DLG2: variants seen among roughly 807,000 people sequenced by gnomAD.
DLG2 encodes the protein discs large MAGUK scaffold protein 2, also known as disks large homolog 2.
A neutral mutation model predicts 132.5 loss-of-function variants in DLG2; 45 were observed. The observed-to-expected ratio is 0.34, with a 90% CI of 0.27 to 0.44. The LOEUF is 0.44. DLG2 is among the 20% of genes least tolerant of loss of function. DLG2 has a pLI of 1.00. For synonymous variants in DLG2, 424 were observed against 419.6 expected (o/e 1.01, Z -0.13); for missense variants, 1,045 against 1,196.9 (o/e 0.87, Z 1.87).
chr11:84,849,028 C>T (rs2154020404), intron 6 of DLG2, among the ~76,000 whole-genome samples: 1 of 152,262 alleles, frequency 6.6e-6, no homozygotes, highest in African/African-American at 2.4e-5. Flanking sequence ...CTGAAGTCAC[C>T]ATTTAAGATG....
rs557983776 is a variant in DLG2 at position 85,013,034 on chromosome 11, T to A, written c.357+98627A>T. Among the ~76,000 whole-genome samples, 15 of 152,264 alleles carry A rather than the reference T, an allele frequency of 9.9e-5. No individual in the cohort carries two copies. In the East Asian group the frequency reaches 2.3e-3, roughly 24 times the overall value. On this transcript the variant is annotated intron_variant, in intron 6 of 27. Coordinates refer to ENST00000376104, the MANE Select transcript of DLG2 (RefSeq NM_001142699.3). ...TCTTCTCATTTTCAGTGTGGAAAAA[T>A]TTAATGTCATGTACCTGCCTTCAGA...
At chr11:84,034,181 C>T (rs1446121182) in intron 11 of DLG2, among the ~76,000 whole-genome samples, 2 of 152,120 alleles carry the variant, frequency 1.3e-5, no homozygotes, top group East Asian at 3.9e-4. Flanking sequence ...CAGCCACCAC[C>T]CTGATCAGTC....
intron 4 of DLG2, among the ~76,000 whole-genome samples, chr11:85,197,256 C>T (rs1324988103): frequency 1.3e-5 from 2 of 152,126 alleles, no homozygotes; most frequent in Non-Finnish European, 2.9e-5. Context: ...AGTCAACTCA[C>T]GTTTTAGAAC....
intron 6 of DLG2, among the ~76,000 whole-genome samples, chr11:85,084,215 G>A (rs768959938): frequency 2.8e-4 from 42 of 152,236 alleles, no homozygotes; most frequent in Admixed American, 5.9e-4. Context: ...TGAAAGAGAA[G>A]AGAAAGTAGA....
chr11:84,911,712 TTAACA>T (rs1348005831), intron 6 of DLG2, among the ~76,000 whole-genome samples: 5 of 152,344 alleles, frequency 3.3e-5, no homozygotes, highest in Admixed American at 1.3e-4. Context: ...TACAAATATC[TTAACA>T]TAAAAATATT....
intron 3 of DLG2, among the ~76,000 whole-genome samples, chr11:85,503,935 AAGGAGGAGG>A (rs377380905): frequency 2.6e-5 from 4 of 151,732 alleles, no homozygotes; most frequent in Middle Eastern, 3.4e-3. Flanking sequence ...CTGTCTCAAG[AAGGAGGAGG>A]AGGAGGAGGA....
intron 3 of DLG2, among the ~76,000 whole-genome samples, chr11:85,441,836 A>G (rs2091794362): frequency 6.6e-6 from 1 of 152,134 alleles, no homozygotes; most frequent in South Asian, 2.1e-4. Context: ...TAAAAATATG[A>G]TAGTTTCAAG....
At chr11:85,067,049 T>C (rs918049669) in intron 6 of DLG2, among the ~76,000 whole-genome samples, 5 of 151,704 alleles carry the variant, frequency 3.3e-5, no homozygotes, top group African/African-American at 1.2e-4. Flanking sequence ...ACTGAGTATA[T>C]ATCCAAAGGG....
At chr11:85,484,165 C>G (rs182056454) in intron 3 of DLG2, among the ~76,000 whole-genome samples, 41 of 152,000 alleles carry the variant, frequency 2.7e-4, no homozygotes, top group African/African-American at 8.7e-4. Context: ...GCAGTCCGCC[C>G]GGAGGATTCA....
intron 6 of DLG2, among the ~76,000 whole-genome samples, chr11:84,924,644 C>T (rs545827095): frequency 3.3e-4 from 50 of 152,234 alleles, no homozygotes; most frequent in Non-Finnish European, 5.6e-4. Flanking sequence ...CAGAAAGTGT[C>T]GTCAGTTCTG....
Position 85,302,095 on chromosome 11 carries a change from T to A in DLG2, c.41-16730A>T, listed in dbSNP as rs557104729. Reference sequence around the variant, plus strand: ...TAAGCAGCTGCATAACTACCTATAATTCACAGGAAGGTAGACTCAATAGGA... The same window carrying A: ...TAAGCAGCTGCATAACTACCTATAAATCACAGGAAGGTAGACTCAATAGGA... On this transcript the variant is annotated intron_variant, in intron 3 of 27. Coordinates refer to ENST00000376104, the MANE Select transcript of DLG2 (RefSeq NM_001142699.3). Among the ~76,000 whole-genome samples, 8 of 152,278 alleles carry A rather than the reference T, an allele frequency of 5.3e-5. No homozygotes were observed. In the South Asian group the frequency reaches 1.7e-3, roughly 32 times the overall value.
At chr11:84,943,198 G>T (rs1243649454) in intron 6 of DLG2, among the ~76,000 whole-genome samples, 2 of 150,750 alleles carry the variant, frequency 1.3e-5, no homozygotes. Context: ...GTGTGTGTGT[G>T]TGTGTATCTA....
chr11:84,934,498 C>T (rs2048453209), intron 6 of DLG2, among the ~76,000 whole-genome samples: 1 of 102,764 alleles, frequency 9.7e-6, no homozygotes, highest in African/African-American at 4.0e-5. Flanking sequence ...CTGTATGGTC[C>T]TGGGTGTTTT....
At chr11:84,100,826 G>A (rs2092457768) in intron 9 of DLG2, among the ~76,000 whole-genome samples, 1 of 152,084 alleles carries the variant, frequency 6.6e-6, no homozygotes, top group Non-Finnish European at 1.5e-5. Context: ...CACTGCAAAT[G>A]TCAAGGTAAT....
chr11:85,051,578 G>GA (rs1488998428), intron 6 of DLG2, among the ~76,000 whole-genome samples: 1 of 152,032 alleles, frequency 6.6e-6, no homozygotes, highest in Non-Finnish European at 1.5e-5. Flanking sequence ...AACAGATATT[G>GA]AAAAAAATAT....
Position 83,962,960 on chromosome 11 carries a change from G to A in DLG2, c.1265C>T (p.Thr422Ile). ...SGNNGTLEYK[T>I]SLPPISPGRY... is the part of the protein sequence containing the mutation. ...TCCTGGAGAGATGGGTGGCAGGGAG[G>A]TTTTATATTCTAAAGTGCCATTGTT... The change falls in exon 14 of 28, where the codon ACC becomes ATC. Residue 422 changes from threonine (T) to isoleucine (I), a missense_variant. Physicochemically the swap from Thr to Ile is moderately conservative, Grantham distance 89 (BLOSUM62 -1). Transcript: ENST00000376104. The A allele has an allele frequency of 6.2e-7, 1 of 1,613,184 alleles. No homozygotes were observed. The highest frequency in any genetic ancestry group is 8.5e-7 in the Non-Finnish European group (1 of 1,179,278).
intron 18 of DLG2, among the ~76,000 whole-genome samples, chr11:83,716,705 A>C (rs1242733055): frequency 6.6e-6 from 1 of 152,194 alleles, no homozygotes; most frequent in Non-Finnish European, 1.5e-5. Context: ...ATGTTTTGGA[A>C]AAGAGATTTT....
In DLG2 at chr11:85,610,668, C is replaced by A. The variant is rs1274366068; in HGVS notation, c.-92-11880G>T. On this transcript the variant is annotated intron_variant, in intron 2 of 27. Transcript: ENST00000376104. ...TACCAGTTTGGAAGCCTCATGCCAA[C>A]AGGCTACTCTAGATCTCTTGAACTT... Among the ~76,000 whole-genome samples, 3 of 152,208 alleles carry A rather than the reference C, an allele frequency of 2.0e-5. No individual in the cohort carries two copies. In the South Asian group the frequency reaches 6.2e-4, roughly 32 times the overall value.
At chr11:85,318,087 T>C (rs190926018) in intron 3 of DLG2, among the ~76,000 whole-genome samples, 175 of 152,008 alleles carry the variant, frequency 1.2e-3, no homozygotes, top group African/African-American at 4.1e-3. Flanking sequence ...CCTTCTCCTC[T>C]AGTATCCAAA....
Sources: allele counts gnomAD v4.1 joint callset (sites outside exome capture counted in the v4.1 genomes callset), GRCh38; gene constraint gnomAD v4.1.1; transcripts MANE v1.5; gene names NCBI Gene and HGNC (gene_info 2026-07-23, HGNC 2026-07-21).